The following ZNF804A variants were observed in gnomAD, a reference collection of about 807,000 sequenced individuals.
ZNF804A encodes the protein zinc finger protein 804A.
ZNF804A carries 2 observed loss-of-function variants against 16.5 expected under a neutral mutation model. That is an observed-to-expected ratio of 0.12 (90% CI 0.05 to 0.38). The LOEUF (loss-of-function observed/expected upper bound fraction) is 0.38, where lower values mean the gene tolerates loss of function less well. ZNF804A is among the 10% of genes least tolerant of loss of function. ZNF804A has a pLI of 0.99. For synonymous variants in ZNF804A, 534 were observed against 489.6 expected, an observed-to-expected ratio of 1.09 and a Z score of -1.20; for missense variants, 1,473 against 1,390.7, an observed-to-expected ratio of 1.06 and a Z score of -0.94.
chr2:184,668,056 G>A (rs1021821808), intron 1 of ZNF804A, among the ~76,000 whole-genome samples: 9 of 151,492 alleles, frequency 5.9e-5, no homozygotes, highest in African/African-American at 2.2e-4. Context: ...TACAAAATAA[G>A]GGCTCCAGTT....
intron 1 of ZNF804A, among the ~76,000 whole-genome samples, chr2:184,834,623 C>A (rs866040350): frequency 2.6e-5 from 4 of 152,220 alleles, no homozygotes; most frequent in Middle Eastern, 3.4e-3. Flanking sequence ...GTCCAACATG[C>A]AACAAAGGAG....
chr2:184,744,759 C>T (rs1433822937), intron 1 of ZNF804A, among the ~76,000 whole-genome samples: 2 of 151,888 alleles, frequency 1.3e-5, no homozygotes, highest in Admixed American at 6.6e-5. Flanking sequence ...AGTGTGTATA[C>T]AAGAGAATTA....
chr2:184,916,395 C>T (rs1685449856), intron 2 of ZNF804A, among the ~76,000 whole-genome samples: 2 of 152,004 alleles, frequency 1.3e-5, no homozygotes, highest in African/African-American at 4.8e-5. Flanking sequence ...GCATTGGAAA[C>T]ATAGACCTTA....
At chr2:184,714,931 C>T (rs1303159729) in intron 1 of ZNF804A, among the ~76,000 whole-genome samples, 1 of 152,126 alleles carries the variant, frequency 6.6e-6, no homozygotes, top group Non-Finnish European at 1.5e-5. Context: ...TTTATACCTT[C>T]TTCATACTCA....
chr2:184,619,803 A>G (rs1057279777), intron 1 of ZNF804A, among the ~76,000 whole-genome samples: 1 of 151,930 alleles, frequency 6.6e-6, no homozygotes. Context: ...ATGATAGACT[A>G]TAAACATATT....
Position 184,938,459 on chromosome 2 carries a change from G to A in ZNF804A, c.3063G>A (p.Glu1021=). 6.2e-7 allele frequency: 1 copy of A among 1,614,024 alleles called. No homozygotes were observed. The change falls in exon 4 of 4, where the codon GAG becomes GAA. Residue 1021 remains glutamate (E), a synonymous_variant. Coordinates refer to ENST00000302277, the MANE Select transcript of ZNF804A (RefSeq NM_194250.2). ...GTGGTCATACTTTTGTAACAGCTGA[G>A]CAAATCCTGGCTCCATTAGCTTTAC... ...HVSGHTFVTA[E]QILAPLALPE... is the part of the protein sequence containing the mutation.
At chr2:184,892,361 T>G (rs1574259338) in intron 2 of ZNF804A, among the ~76,000 whole-genome samples, 1 of 152,106 alleles carries the variant, frequency 6.6e-6, no homozygotes, top group East Asian at 1.9e-4. Flanking sequence ...AAGGGTAATG[T>G]GCATTTTTTG....
intron 2 of ZNF804A, among the ~76,000 whole-genome samples, chr2:184,869,815 A>C (rs988858917): frequency 2.0e-5 from 3 of 152,020 alleles, no homozygotes; most frequent in Non-Finnish European, 2.9e-5. Context: ...GTTATGACAG[A>C]ATATGTGTTG....
chr2:184,876,763 T>C (rs2105815792), intron 2 of ZNF804A, among the ~76,000 whole-genome samples: 1 of 152,276 alleles, frequency 6.6e-6, no homozygotes. Context: ...CCCTTCCTTC[T>C]GCCATCTCCT....
At chr2:184,716,835 A>C (rs749752510) in intron 1 of ZNF804A, among the ~76,000 whole-genome samples, 1 of 152,188 alleles carries the variant, frequency 6.6e-6, no homozygotes, top group Non-Finnish European at 1.5e-5. Flanking sequence ...AAAAATATTC[A>C]AGATTATAAC....
intron 1 of ZNF804A, among the ~76,000 whole-genome samples, chr2:184,779,736 A>G (rs1326108547): frequency 6.6e-6 from 1 of 151,764 alleles, no homozygotes; most frequent in African/African-American, 2.4e-5. Flanking sequence ...GTGAAAAAGC[A>G]GATTCTCTGC....
intron 2 of ZNF804A, among the ~76,000 whole-genome samples, chr2:184,927,556 T>C (rs1303778148): frequency 6.6e-6 from 1 of 152,206 alleles, no homozygotes; most frequent in East Asian, 1.9e-4. Context: ...CCTATGTCCT[T>C]CCCTTTAGGG....
chr2:184,739,639 GC>G (rs754064695), intron 1 of ZNF804A, among the ~76,000 whole-genome samples: 4 of 152,158 alleles, frequency 2.6e-5, no homozygotes, highest in Non-Finnish European at 4.4e-5. Context: ...TGATCCTCCA[GC>G]CTCGGCCTCC....
At chr2:184,644,490 T>TAA (rs1691842159) in intron 1 of ZNF804A, among the ~76,000 whole-genome samples, 1 of 151,930 alleles carries the variant, frequency 6.6e-6, no homozygotes, top group South Asian at 2.1e-4. Context: ...TATATAAAAT[T>TAA]AAAAAATCTG....
chr2:184,939,248 A>G lies in ZNF804A; in HGVS notation c.*222A>G, dbSNP rs1290686974. 2 of 506,850 alleles carry G rather than the reference A, an allele frequency of 3.9e-6. No individual in the cohort carries two copies. Among genetic ancestry groups the G allele is most frequent in the South Asian group, 6.3e-5 (2 of 31,650 alleles). 31.4% of individuals were successfully genotyped at this position (506,850 alleles called of 1,614,324 possible). ...AGCACTGAATAGTTTGAAAATCAATACAATATATGCTATATATTAAAATGA... is the reference window on the plus strand; with the variant it reads ...AGCACTGAATAGTTTGAAAATCAATGCAATATATGCTATATATTAAAATGA... On this transcript the variant is annotated 3_prime_UTR_variant, in exon 4 of 4. Transcript: ENST00000302277.
At chr2:184,826,967 T>C (rs1695177921) in intron 1 of ZNF804A, among the ~76,000 whole-genome samples, 2 of 152,166 alleles carry the variant, frequency 1.3e-5, no homozygotes, top group Admixed American at 6.6e-5. Flanking sequence ...TATATAGTTT[T>C]TACTTCATTT....
At chr2:184,815,991 A>G (rs926594414) in intron 1 of ZNF804A, among the ~76,000 whole-genome samples, 1 of 152,038 alleles carries the variant, frequency 6.6e-6, no homozygotes, top group Non-Finnish European at 1.5e-5. Context: ...GTCATTTTAA[A>G]ATATACAGGT....
intron 1 of ZNF804A, among the ~76,000 whole-genome samples, chr2:184,652,206 T>C (rs1011624554): frequency 2.6e-5 from 4 of 152,174 alleles, no homozygotes. Context: ...AAACACTGTA[T>C]GTTTTCACTT....
At chr2:184,688,987 T>C (rs1425195434) in intron 1 of ZNF804A, among the ~76,000 whole-genome samples, 1 of 152,190 alleles carries the variant, frequency 6.6e-6, no homozygotes, top group East Asian at 1.9e-4. Flanking sequence ...AACAGATATG[T>C]ATCTTAATCT....
Sources: allele counts gnomAD v4.1 joint callset (sites outside exome capture counted in the v4.1 genomes callset), GRCh38; gene constraint gnomAD v4.1.1; transcripts MANE v1.5; gene names NCBI Gene and HGNC (gene_info 2026-07-23, HGNC 2026-07-21).